Variants in VKORC1L1 observed in about 807,000 individuals in gnomAD.
The protein encoded by VKORC1L1 is vitamin K epoxide reductase complex subunit 1L1.
Under a neutral mutation model 18.9 loss-of-function variants are expected in VKORC1L1, and 2 were observed. The ratio of observed to expected loss-of-function variants is 0.11; its 90% confidence interval spans 0.04 to 0.33. The LOEUF (loss-of-function observed/expected upper bound fraction) is 0.33, where lower values mean the gene tolerates loss of function less well. Ranked by LOEUF, VKORC1L1 falls within the 10% of genes least tolerant of loss-of-function variation. The pLI, the probability that VKORC1L1 is intolerant of heterozygous loss-of-function variation, is 1.00. For synonymous variants in VKORC1L1, 96 were observed against 100.0 expected (o/e 0.96, Z 0.24); for missense variants, 123 against 224.1 (o/e 0.55, Z 2.88).
At position 65,955,827 on chromosome 7, in the gene VKORC1L1, G is replaced by A. The variant is rs1790286748; in HGVS notation, c.*1527G>A. ...TCATTTTATGTTGAAAATAGTCAAT[G>A]AGACCAGTATCTCTTGAGTGCTTTA... is the stretch of plus-strand genomic sequence containing the variant. On this transcript the variant is annotated 3_prime_UTR_variant, in exon 3 of 3. Coordinates refer to ENST00000360768, the MANE Select transcript of VKORC1L1 (RefSeq NM_173517.6). The A allele has an allele frequency of 6.6e-6, 1 of 152,190 alleles. No individual in the cohort carries two copies. The highest frequency in any genetic ancestry group is 1.5e-5 in the Non-Finnish European group (1 of 68,034). 9.4% of individuals were successfully genotyped at this position (152,190 alleles called of 1,614,324 possible). A position where few individuals can be genotyped will look rare whatever the true frequency, so the allele number is the denominator to read the frequency against.
intron 1 of VKORC1L1, among the ~76,000 whole-genome samples, chr7:65,885,139 G>A (rs1457567613): frequency 1.3e-5 from 2 of 152,094 alleles, no homozygotes; most frequent in Admixed American, 1.3e-4. Context: ...AGTTTACTGG[G>A]TGTTACATGA....
intron 1 of VKORC1L1, among the ~76,000 whole-genome samples, chr7:65,882,108 A>G (rs1788938211): frequency 6.6e-6 from 1 of 151,390 alleles, no homozygotes; most frequent in Admixed American, 6.6e-5. Flanking sequence ...GACTGGGTGT[A>G]GTGGCTCACG....
At chr7:65,868,108 A>G (rs1272582230), upstream of VKORC1L1, among the ~76,000 whole-genome samples, 1 of 152,168 alleles carries the variant, frequency 6.6e-6, no homozygotes, top group Non-Finnish European at 1.5e-5. Context: ...AGGCCTCCCA[A>G]AGTGCTGGGA....
In VKORC1L1 at chr7:65,873,270, G is replaced by T. The variant is rs1788758253; in HGVS notation, c.-102G>T. On this transcript the variant is annotated 5_prime_UTR_variant, in exon 1 of 3. Transcript: ENST00000360768. ...CGGCGGCGGCGGTGGTGGCGGCGGC[G>T]GCGGAGGCGGCGGTGGCGGCGGTGG... The T allele has an allele frequency of 1.0e-6, 1 of 983,686 alleles. No homozygotes were observed. Among genetic ancestry groups the T allele is most frequent in the South Asian group, 4.6e-5 (1 of 21,862 alleles). 60.9% of individuals were successfully genotyped at this position (983,686 alleles called of 1,614,324 possible). A position where few individuals can be genotyped will look rare whatever the true frequency, so the allele number is the denominator to read the frequency against.
intron 1 of VKORC1L1, among the ~76,000 whole-genome samples, chr7:65,906,348 G>A (rs962528697): frequency 3.3e-5 from 5 of 151,826 alleles, no homozygotes; most frequent in African/African-American, 1.2e-4. Flanking sequence ...TCCAGCTTGG[G>A]TGACAGAGCA....
intron 1 of VKORC1L1, among the ~76,000 whole-genome samples, chr7:65,889,321 C>G (rs1562984260): frequency 3.3e-5 from 5 of 152,240 alleles, no homozygotes; most frequent in Admixed American, 1.3e-4. Context: ...TTGGATGTCC[C>G]AAAACTAATA....
chr7:65,941,673 G>GTTTTTTTTTTTTTTTTTTTTTT (rs57537567), intron 1 of VKORC1L1, among the ~76,000 whole-genome samples: 2 of 66,476 alleles, frequency 3.0e-5, no homozygotes, highest in African/African-American at 5.7e-5. Flanking sequence ...TTTTCTTAAG[G>GTTTTTTTTTTTTTTTTTTTTTT]TTTTTTTTTT....
intron 2 of VKORC1L1, among the ~76,000 whole-genome samples, chr7:65,949,755 GC>G (rs1790182820): frequency 1.3e-5 from 2 of 152,184 alleles, no homozygotes; most frequent in African/African-American, 4.8e-5. Flanking sequence ...CTGCACTCCA[GC>G]CTGGGGGTCA....
chr7:65,943,204 G>A (rs1043881587), intron 1 of VKORC1L1, among the ~76,000 whole-genome samples: 1 of 152,176 alleles, frequency 6.6e-6, no homozygotes, highest in Non-Finnish European at 1.5e-5. Context: ...TTCGAGACGA[G>A]CCTGGCCAAC....
At chr7:65,950,629 C>CA (rs546351132) in intron 2 of VKORC1L1, among the ~76,000 whole-genome samples, 79 of 141,014 alleles carry the variant, frequency 5.6e-4, no homozygotes, top group East Asian at 5.3e-3. Flanking sequence ...TGTAAAATAG[C>CA]AAAAAAAAAA....
intron 1 of VKORC1L1, among the ~76,000 whole-genome samples, chr7:65,916,861 G>T (rs775897945): frequency 2.0e-5 from 3 of 152,112 alleles, no homozygotes; most frequent in African/African-American, 7.2e-5. Flanking sequence ...GCCTCCCAAC[G>T]TGCTGGGATT....
chr7:65,871,330 G>A (rs1788723106), upstream of VKORC1L1, among the ~76,000 whole-genome samples: 1 of 152,000 alleles, frequency 6.6e-6, no homozygotes, highest in South Asian at 2.1e-4. Flanking sequence ...CAAGTAGCTG[G>A]GTTTACAGGC....
Position 65,905,163 on chromosome 7 carries a change from T to C in VKORC1L1, c.194+31598T>C, listed in dbSNP as rs114444653. On this transcript the variant is annotated intron_variant, in intron 1 of 2. Coordinates refer to ENST00000360768, the MANE Select transcript of VKORC1L1 (RefSeq NM_173517.6). ...TCATGCTTTTTGTTTCCTTTAACTTTTAATCGTGAACATTTGGACCTGTAA... is the reference window on the plus strand; with the variant it reads ...TCATGCTTTTTGTTTCCTTTAACTTCTAATCGTGAACATTTGGACCTGTAA... 6.0e-3 allele frequency among the ~76,000 whole-genome samples: 920 copies of C among 152,314 alleles called. 19 individuals carry two copies. Among genetic ancestry groups the C allele is most frequent in the African/African-American group, 0.02 (848 of 41,564 alleles).
At chr7:65,879,238 G>A (rs542470175) in intron 1 of VKORC1L1, among the ~76,000 whole-genome samples, 11 of 152,164 alleles carry the variant, frequency 7.2e-5, no homozygotes, top group South Asian at 6.2e-4. Flanking sequence ...CTGCTAGTAC[G>A]TAAAAGAGAA....
At chr7:65,880,108 C>G (rs967532895) in intron 1 of VKORC1L1, among the ~76,000 whole-genome samples, 12 of 152,118 alleles carry the variant, frequency 7.9e-5, no homozygotes, top group African/African-American at 2.9e-4. Flanking sequence ...TCCCACTTGG[C>G]CTCCCAAAGT....
chr7:65,913,649 C>T (rs1394826809), intron 1 of VKORC1L1, among the ~76,000 whole-genome samples: 1 of 144,546 alleles, frequency 6.9e-6, no homozygotes, highest in Non-Finnish European at 1.5e-5. Flanking sequence ...TTGCTTAAAC[C>T]TGGGAGGTTG....
intron 1 of VKORC1L1, among the ~76,000 whole-genome samples, chr7:65,924,625 A>G (rs930642832): frequency 1.3e-5 from 2 of 152,172 alleles, no homozygotes; most frequent in African/African-American, 2.4e-5. Flanking sequence ...TAGTTTGCCA[A>G]CCTCTAGCCA....
rs1440924327 is a variant in VKORC1L1 at position 65,887,374 on chromosome 7, A to G, written c.194+13809A>G. On this transcript the variant is annotated intron_variant, in intron 1 of 2. Coordinates refer to ENST00000360768, the MANE Select transcript of VKORC1L1 (RefSeq NM_173517.6). Reference sequence around the variant, plus strand: ...ATGTACATTGCTGTATATTAAAGAAATATAACATTGATCCATATTAAATGA... The same window carrying G: ...ATGTACATTGCTGTATATTAAAGAAGTATAACATTGATCCATATTAAATGA... Among the ~76,000 whole-genome samples the G allele has an allele frequency of 2.0e-5, 3 of 152,134 alleles. No homozygotes were observed. In the East Asian group the frequency reaches 5.8e-4, roughly 29 times the overall value.
In VKORC1L1 at chr7:65,873,571, C is replaced by T. The variant is rs757832868; in HGVS notation, c.194+6C>T. On this transcript the variant is annotated splice_donor_region_variant and intron_variant, in intron 1 of 2. Transcript: ENST00000360768. Reference sequence around the variant, plus strand: ...TCCGCCGCCCTTGCCTCCAGGTAGCCGGCTTGGGGGAGTGGGCCAGGAGCG... The same window carrying T: ...TCCGCCGCCCTTGCCTCCAGGTAGCTGGCTTGGGGGAGTGGGCCAGGAGCG... 13 of 1,527,888 alleles carry T rather than the reference C, an allele frequency of 8.5e-6. No homozygotes were observed. The African/African-American group carries it at 1.3e-4, about 15-fold the overall frequency. The allele number at this position is 1,527,888 out of a possible 1,614,324, so 94.6% of individuals were successfully genotyped here.
Sources: allele counts gnomAD v4.1 joint callset (sites outside exome capture counted in the v4.1 genomes callset), GRCh38; gene constraint gnomAD v4.1.1; transcripts MANE v1.5; gene names NCBI Gene and HGNC (gene_info 2026-07-23, HGNC 2026-07-21).